ATP6V1C2: variants seen among roughly 807,000 people sequenced by gnomAD.
ATP6V1C2 encodes V-type proton ATPase subunit C 2.
A neutral mutation model predicts 56.8 loss-of-function variants in ATP6V1C2; 45 were observed. That is an observed-to-expected ratio of 0.79 (90% CI 0.62 to 1.02). The LOEUF is 1.02. Ranked by LOEUF, ATP6V1C2 falls within the 50% of genes least tolerant of loss-of-function variation. The probability of loss-of-function intolerance (pLI) is 0.00; values close to 1 mark genes in which losing one functional copy is unlikely to be tolerated. For synonymous variants in ATP6V1C2, 220 were observed against 201.3 expected (o/e 1.09, Z -0.79); for missense variants, 463 against 519.7 (o/e 0.89, Z 1.06).
chr2:10,721,644 C>T lies in ATP6V1C2; in HGVS notation c.-114C>T, dbSNP rs1292075958. On this transcript the variant is annotated 5_prime_UTR_variant, in exon 1 of 14. Transcript: ENST00000272238. ...CGCGGGGCAGCGAAGCCGCTGCCTC[C>T]CGGGAGCCGGCAGAGCGCTCCGGCC... The T allele has an allele frequency of 6.6e-6, 1 of 151,466 alleles. No individual in the cohort carries two copies. Among genetic ancestry groups the T allele is most frequent in the Non-Finnish European group, 1.5e-5 (1 of 67,804 alleles). The allele number at this position is 151,466 out of a possible 1,614,324, so 9.4% of individuals were successfully genotyped here.
rs1303017925 is a variant in ATP6V1C2 at position 10,780,093 on chromosome 2, C to T, written c.1061+1424C>T. Among the ~76,000 whole-genome samples, 1 of 152,094 alleles carries T rather than the reference C, an allele frequency of 6.6e-6. No individual in the cohort carries two copies. The highest frequency in any genetic ancestry group is 1.5e-5 in the Non-Finnish European group (1 of 68,014). On this transcript the variant is annotated intron_variant, in intron 12 of 13. Coordinates refer to ENST00000272238, the MANE Select transcript of ATP6V1C2 (RefSeq NM_001039362.2). This position sits in a 1 kb window ranked among gnomAD's most constrained non-coding sequence, Gnocchi z 4.1. ...TCCCTGCCGTCCCCCTGGCTGATGT[C>T]CCCTACTTTCCCTCGTTTTCCTGCC...
intron 3 of ATP6V1C2, among the ~76,000 whole-genome samples, chr2:10,737,758 C>G (rs1279417709): frequency 6.6e-6 from 1 of 152,174 alleles, no homozygotes; most frequent in Admixed American, 6.5e-5. Context: ...GGCGCAATCT[C>G]TCTCGGCTCA....
chr2:10,747,339 CTGTT>C (rs1662974524), intron 3 of ATP6V1C2, among the ~76,000 whole-genome samples: 1 of 152,170 alleles, frequency 6.6e-6, no homozygotes, highest in African/African-American at 2.4e-5. Flanking sequence ...TGCTTTCTCT[CTGTT>C]TTTGTCTCTG....
At position 10,779,209 on chromosome 2, in the gene ATP6V1C2, A is replaced by G. The variant is rs532112813; in HGVS notation, c.1061+540A>G. Among the ~76,000 whole-genome samples, 17 of 151,052 alleles carry G rather than the reference A, an allele frequency of 1.1e-4. No homozygotes were observed. The South Asian group carries it at 2.5e-3, about 22-fold the overall frequency. ...AACCTCCACCTCTCAGGTTCAAGAG[A>G]TTCTCCTGTCTCAGCCTCCCTAGTA... On this transcript the variant is annotated intron_variant, in intron 12 of 13. Coordinates refer to ENST00000272238, the MANE Select transcript of ATP6V1C2 (RefSeq NM_001039362.2).
At chr2:10,760,030 G>GTTTTTTTT (rs34096158) in intron 4 of ATP6V1C2, among the ~76,000 whole-genome samples, 39 of 133,580 alleles carry the variant, frequency 2.9e-4, no homozygotes, top group East Asian at 8.5e-4. Context: ...TTTGTTTTTT[G>GTTTTTTTT]TTTTTTTTTT....
In ATP6V1C2 at chr2:10,754,742, T is replaced by TTG. The variant is rs756942624; in HGVS notation, c.283+688_283+689dup. ...CGCCCGCCACCACACCTAGCTAATT[T>TTG]TGTGTGTGTGTGTTTTTAATAGAGA... On this transcript the variant is annotated intron_variant, in intron 4 of 13. Coordinates refer to ENST00000272238, the MANE Select transcript of ATP6V1C2 (RefSeq NM_001039362.2). Among the ~76,000 whole-genome samples, 120 of 151,894 alleles carry TTG rather than the reference T, an allele frequency of 7.9e-4. 4 individuals are homozygous for TTG. In the East Asian group the frequency reaches 0.022, roughly 27 times the overall value.
intron 3 of ATP6V1C2, among the ~76,000 whole-genome samples, chr2:10,741,349 A>G (rs1019961665): frequency 6.6e-6 from 1 of 152,162 alleles, no homozygotes; most frequent in African/African-American, 2.4e-5. Context: ...TGACGATTTC[A>G]TTGTCCCTTG....
intron 3 of ATP6V1C2, among the ~76,000 whole-genome samples, chr2:10,733,570 T>C (rs1398524899): frequency 2.0e-5 from 3 of 152,148 alleles, no homozygotes; most frequent in African/African-American, 7.2e-5. Context: ...TCATACTGCC[T>C]TTGTTAATTT....
chr2:10,721,156 C>A (rs1386032429), upstream of ATP6V1C2, among the ~76,000 whole-genome samples: 1 of 152,208 alleles, frequency 6.6e-6, no homozygotes, highest in East Asian at 1.9e-4. Flanking sequence ...ACCTGCGCAC[C>A]TGTTGCGCGG....
chr2:10,746,642 C>T (rs1328357433), intron 3 of ATP6V1C2, among the ~76,000 whole-genome samples: 2 of 152,086 alleles, frequency 1.3e-5, no homozygotes, highest in Non-Finnish European at 2.9e-5. Flanking sequence ...GATCTCTTGA[C>T]CTCATGATCC....
At chr2:10,737,668 G>C (rs944163200) in intron 3 of ATP6V1C2, among the ~76,000 whole-genome samples, 2 of 152,070 alleles carry the variant, frequency 1.3e-5, no homozygotes, top group Admixed American at 1.3e-4. Flanking sequence ...GCCCTTACGG[G>C]ATACAGAAAG....
intron 3 of ATP6V1C2, among the ~76,000 whole-genome samples, chr2:10,737,666 G>A (rs912385909): frequency 6.6e-6 from 1 of 152,054 alleles, no homozygotes; most frequent in African/African-American, 2.4e-5. Context: ...CTGCCCTTAC[G>A]GGATACAGAA....
In ATP6V1C2 at chr2:10,721,716, G is replaced by GC. The variant is rs1477249778; in HGVS notation, c.-38dup. The GC allele has an allele frequency of 2.0e-5, 3 of 151,888 alleles. No homozygotes were observed. The highest frequency in any genetic ancestry group is 7.3e-5 in the African/African-American group (3 of 41,374). The allele number at this position is 151,888 out of a possible 1,614,324, so 9.4% of individuals were successfully genotyped here. A position where few individuals can be genotyped will look rare whatever the true frequency, so the allele number is the denominator to read the frequency against. ...CGCAGCCCCCTACCGCGCGGCCCGC[G>GC]CCCCGCCGGCTCCCGGTAAGGACGC... On this transcript the variant is annotated 5_prime_UTR_variant, in exon 1 of 14. Transcript: ENST00000272238.
intron 4 of ATP6V1C2, among the ~76,000 whole-genome samples, chr2:10,758,858 G>A (rs780070967): frequency 1.5e-4 from 23 of 152,198 alleles, no homozygotes; most frequent in Non-Finnish European, 2.4e-4. Flanking sequence ...CAGTAGAGAC[G>A]GGGTTTCACC....
chr2:10,770,844 G>A (rs1664554505), intron 6 of ATP6V1C2, among the ~76,000 whole-genome samples: 1 of 152,230 alleles, frequency 6.6e-6, no homozygotes, highest in African/African-American at 2.4e-5. Flanking sequence ...CCTCAGGCCC[G>A]ATGCTAGACC....
At chr2:10,740,970 A>G (rs548882832) in intron 3 of ATP6V1C2, among the ~76,000 whole-genome samples, 25 of 152,350 alleles carry the variant, frequency 1.6e-4, no homozygotes, top group African/African-American at 6.0e-4. Flanking sequence ...TACAGGCGTG[A>G]GCCACCACAC....
At chr2:10,771,075 C>T (rs12464513) in intron 6 of ATP6V1C2, among the ~76,000 whole-genome samples, 24,985 of 152,200 alleles carry the variant, frequency 0.16, 2,225 homozygotes, top group Non-Finnish European at 0.2. Context: ...TCCATGGCCA[C>T]GCAGCTGGTC....
At chr2:10,779,668 A>G (rs933058441) in intron 12 of ATP6V1C2, among the ~76,000 whole-genome samples, 4 of 146,330 alleles carry the variant, frequency 2.7e-5, no homozygotes, top group Non-Finnish European at 6.0e-5. Flanking sequence ...CCTGGGCAAC[A>G]AGAGAAACTC....
Position 10,782,237 on chromosome 2 carries a change from G to A in ATP6V1C2, c.1062-6G>A. ...GTGAACTGACACATTTTGTCTATCTGAAAAGGTATGGACTACCAGTGAACT... is the reference window on the plus strand; with the variant it reads ...GTGAACTGACACATTTTGTCTATCTAAAAAGGTATGGACTACCAGTGAACT... On this transcript the variant is annotated splice_region_variant and splice_polypyrimidine_tract_variant and intron_variant, in intron 12 of 13. Transcript: ENST00000272238. The A allele has an allele frequency of 1.9e-6, 3 of 1,613,718 alleles. No homozygotes were observed. The highest frequency in any genetic ancestry group is 1.3e-5 in the African/African-American group (1 of 75,014).
Sources: allele counts gnomAD v4.1 joint callset (sites outside exome capture counted in the v4.1 genomes callset), GRCh38; gene constraint gnomAD v4.1.1; non-coding constraint Gnocchi (gnomAD v3.1); transcripts MANE v1.5; gene names NCBI Gene and HGNC (gene_info 2026-07-23, HGNC 2026-07-21).